Variants in ATAD2 observed in about 807,000 individuals in gnomAD.
The protein encoded by ATAD2 is ATPase family AAA domain containing 2, also known as ATPase family AAA domain-containing protein 2.
In ATAD2, 62 loss-of-function variants were observed where a neutral mutation model predicts 168.9. That is an observed-to-expected ratio of 0.37 (90% CI 0.30 to 0.45). The LOEUF is 0.45. ATAD2 is among the 20% of genes least tolerant of loss of function. The probability of loss-of-function intolerance (pLI) is 1.00; values close to 1 mark genes in which losing one functional copy is unlikely to be tolerated. For synonymous variants in ATAD2, 613 were observed against 571.6 expected, an observed-to-expected ratio of 1.07 and a Z score of -1.03; for missense variants, 1,419 against 1,667.8, an observed-to-expected ratio of 0.85 and a Z score of 2.60.
At chr8:123,343,884 G>A (rs1010798240) in intron 19 of ATAD2, among the ~76,000 whole-genome samples, 1 of 152,182 alleles carries the variant, frequency 6.6e-6, no homozygotes, top group African/African-American at 2.4e-5. Context: ...GCAGAGATTT[G>A]AGAAAAATAA....
chr8:123,349,843 C>T (rs777197274), intron 13 of ATAD2, among the ~76,000 whole-genome samples: 3 of 151,008 alleles, frequency 2.0e-5, no homozygotes, highest in Non-Finnish European at 4.4e-5. Flanking sequence ...TTGAGACCAG[C>T]CTGGGCAACA....
chr8:123,348,095 A>G (rs1828312480), intron 15 of ATAD2, 88 bp downstream of exon 15: 4 of 1,121,960 alleles, frequency 3.6e-6, no homozygotes, highest in Non-Finnish European at 5.1e-6. Flanking sequence ...GGCAAAAACC[A>G]CAATTACTTT....
At chr8:123,343,868 A>G (rs1418131732) in intron 19 of ATAD2, among the ~76,000 whole-genome samples, 4 of 152,244 alleles carry the variant, frequency 2.6e-5, no homozygotes, top group Admixed American at 6.5e-5. Context: ...CTGAGGTGAT[A>G]TCTGAGCAGA....
chr8:123,361,500 G>T, intron 9 of ATAD2, 39 bp downstream of exon 9: 1 of 1,506,416 alleles, frequency 6.6e-7, no homozygotes, highest in Non-Finnish European at 9.2e-7. Context: ...TTTACAAAAT[G>T]TGTCTGCTAG....
intron 1 of ATAD2, among the ~76,000 whole-genome samples, chr8:123,384,014 G>C (rs1255905023): frequency 6.6e-6 from 1 of 151,644 alleles, no homozygotes; most frequent in African/African-American, 2.4e-5. Context: ...CTGGGAGGCA[G>C]AGGTTGCAGT....
rs145527432 is a variant in ATAD2, at chr8:123,414,211, A to C, written c.-2282+2037T>G. Among the ~76,000 whole-genome samples the C allele has an allele frequency of 5.3e-4, 80 of 152,112 alleles. 2 individuals are homozygous for C. The Middle Eastern group carries it at 0.01, about 20-fold the overall frequency. On this transcript the variant is annotated intron_variant, in intron 1 of 28. Coordinates refer to the ATAD2 transcript ENST00000521903. ...TATATTATATGCTACCAACTATTCTAAGTACTTTATATACATAAACTCAAC... is the reference window on the plus strand; with the variant it reads ...TATATTATATGCTACCAACTATTCTCAGTACTTTATATACATAAACTCAAC...
Position 123,320,984 on chromosome 8 carries a change from T to A in ATAD2, c.*150A>T, listed in dbSNP as rs1827452101. 1.4e-6 allele frequency: 1 copy of A among 690,662 alleles called. No individual in the cohort carries two copies. The highest frequency in any genetic ancestry group is 3.2e-5 in the Admixed American group (1 of 30,778). The allele number at this position is 690,662 out of a possible 1,614,324, so 42.8% of individuals were successfully genotyped here. On this transcript the variant is annotated 3_prime_UTR_variant, in exon 28 of 28. Transcript: ENST00000287394. ...CATGACATTTATCTTAATATGTACA[T>A]AAATATCAGGAAAGTTTAAATACTT...
At chr8:123,331,033 C>G (rs1304203981) in intron 24 of ATAD2, among the ~76,000 whole-genome samples, 1 of 152,116 alleles carries the variant, frequency 6.6e-6, no homozygotes, top group Non-Finnish European at 1.5e-5. Context: ...AAGCAATTCT[C>G]TTGCCTCAGT....
intron 13 of ATAD2, among the ~76,000 whole-genome samples, chr8:123,353,175 C>T (rs539615942): frequency 2.0e-5 from 3 of 152,014 alleles, no homozygotes; most frequent in Non-Finnish European, 4.4e-5. Context: ...ACCAGCTTGG[C>T]CAAAATGGCA....
intron 13 of ATAD2, among the ~76,000 whole-genome samples, chr8:123,349,954 C>T (rs1026886431): frequency 8.7e-5 from 13 of 150,238 alleles, no homozygotes; most frequent in East Asian, 1.9e-4. Flanking sequence ...TGAGGTTGTA[C>T]GTAGTGAGCC....
chr8:123,397,355 C>CT (rs1233163219), upstream of ATAD2, among the ~76,000 whole-genome samples: 1 of 151,000 alleles, frequency 6.6e-6, no homozygotes, highest in Non-Finnish European at 1.5e-5. Context: ...TCGGAATGTA[C>CT]ATATAATCGG....
chr8:123,380,051 T>A (rs916084388), intron 2 of ATAD2, among the ~76,000 whole-genome samples: 13 of 151,888 alleles, frequency 8.6e-5, no homozygotes, highest in African/African-American at 2.9e-4. Context: ...CATGCCCAGC[T>A]AATTTTGTAT....
intron 19 of ATAD2, among the ~76,000 whole-genome samples, chr8:123,343,067 C>T (rs1828111680): frequency 6.6e-6 from 1 of 151,578 alleles, no homozygotes; most frequent in African/African-American, 2.4e-5. Context: ...TCACTACAAA[C>T]CCCACCTTCC....
chr8:123,366,906 A>G (rs757528726), intron 8 of ATAD2, among the ~76,000 whole-genome samples: 32 of 152,186 alleles, frequency 2.1e-4, no homozygotes, highest in Non-Finnish European at 4.4e-4. Context: ...TAAAAAAAAA[A>G]GAGGAAAAGA....
intron 2 of ATAD2, among the ~76,000 whole-genome samples, chr8:123,373,344 TG>T (rs1829206507): frequency 6.6e-6 from 1 of 152,084 alleles, no homozygotes; most frequent in Non-Finnish European, 1.5e-5. Flanking sequence ...CCACCATACC[TG>T]GCTATAACTG....
chr8:123,379,171 C>T (rs987300174), intron 2 of ATAD2, among the ~76,000 whole-genome samples: 6 of 152,062 alleles, frequency 3.9e-5, no homozygotes, highest in African/African-American at 1.2e-4. Context: ...ATTCCAGTTC[C>T]ATGAATTTAG....
upstream of ATAD2, among the ~76,000 whole-genome samples, chr8:123,399,645 G>A (rs936352787): frequency 2.0e-5 from 3 of 150,270 alleles, no homozygotes; most frequent in African/African-American, 7.4e-5. Context: ...ACCTGAGGTC[G>A]GGAGTTCTAG....
intron 19 of ATAD2, among the ~76,000 whole-genome samples, chr8:123,343,092 C>T (rs1007870043): frequency 5.3e-5 from 8 of 151,642 alleles, no homozygotes; most frequent in African/African-American, 1.9e-4. Flanking sequence ...TCAAGCGATT[C>T]TCCCACCTCA....
intron 1 of ATAD2, among the ~76,000 whole-genome samples, chr8:123,386,306 T>C (rs964510391): frequency 6.6e-5 from 10 of 152,166 alleles, no homozygotes; most frequent in African/African-American, 2.2e-4. Context: ...AAACAAAACA[T>C]GGTACATACA....
Sources: gnomAD v4.1 joint callset for allele counts (sites outside exome capture counted in the v4.1 genomes callset) on GRCh38, gnomAD v4.1.1 for gene constraint, MANE v1.5 for transcripts, NCBI Gene and HGNC (gene_info 2026-07-23, HGNC 2026-07-21) for gene names.